The following ACTL6A variants were observed in gnomAD, a reference collection of about 807,000 sequenced individuals.
The protein encoded by ACTL6A is actin like 6A, also known as actin-like protein 6A.
A neutral mutation model predicts 59.2 loss-of-function variants in ACTL6A; 5 were observed. The observed-to-expected ratio is 0.08, with a 90% CI of 0.04 to 0.18. The LOEUF (loss-of-function observed/expected upper bound fraction) is 0.18. Among genes scored for constraint, ACTL6A ranks in the 10% least tolerant of loss-of-function variants. The probability of loss-of-function intolerance (pLI) is 1.00; values close to 1 mark genes in which losing one functional copy is unlikely to be tolerated. For synonymous variants in ACTL6A, 154 were observed against 171.8 expected, an observed-to-expected ratio of 0.90 and a Z score of 0.81; for missense variants, 285 against 526.9, an observed-to-expected ratio of 0.54 and a Z score of 4.49.
Position 179,576,245 on chromosome 3 carries a change from AT to A in ACTL6A, c.509del (p.Leu170TrpfsTer24). 1 of 1,613,748 alleles carries A rather than the reference AT, an allele frequency of 6.2e-7. No homozygotes were observed. Among genetic ancestry groups the A allele is most frequent in the Non-Finnish European group, 8.5e-7 (1 of 1,179,880 alleles). ...AFANGRSTGL[I>X]LDSGATHTTA... ...TGCTAATGGTCGTTCTACTGGGCTGATTTTGGACAGTGGAGCCACTCATACC... is the reference window on the plus strand; with the variant it reads ...TGCTAATGGTCGTTCTACTGGGCTGATTTGGACAGTGGAGCCACTCATACC... On this transcript the variant is annotated frameshift_variant, in exon 6 of 14. Transcript: ENST00000429709. LOFTEE classifies it high-confidence loss of function.
chr3:179,573,519 T>C (rs1453572886), intron 4 of ACTL6A, 50 bp downstream of exon 4: 36 of 1,112,564 alleles, frequency 3.2e-5, no homozygotes, highest in Non-Finnish European at 4.2e-5. Context: ...TTTTTTTTTT[T>C]CTTTTTTTTT....
At chr3:179,583,699 C>T in intron 12 of ACTL6A, 2 of 296,900 alleles carry the variant, frequency 6.7e-6, no homozygotes, top group Admixed American at 4.9e-5. Flanking sequence ...CCCTGCACAC[C>T]AAGGGCTCAG....
At chr3:179,577,906 G>A (rs1718217863) in intron 8 of ACTL6A, among the ~76,000 whole-genome samples, 1 of 151,012 alleles carries the variant, frequency 6.6e-6, no homozygotes, top group African/African-American at 2.4e-5. Context: ...CATTTAAGTT[G>A]ATTCCATGTC....
chr3:179,563,254 C>G, intron 1 of ACTL6A, 137 bp downstream of exon 1: 1 of 1,393,968 alleles, frequency 7.2e-7, no homozygotes, highest in Non-Finnish European at 9.6e-7. Flanking sequence ...GCCCCGTCCC[C>G]GCCCCACGCT....
chr3:179,566,832 G>A (rs1367943865), intron 1 of ACTL6A, among the ~76,000 whole-genome samples: 1 of 152,104 alleles, frequency 6.6e-6, no homozygotes, highest in Non-Finnish European at 1.5e-5. Flanking sequence ...TAGGACTACA[G>A]GTGCATACGG....
chr3:179,573,159 G>A, intron 3 of ACTL6A: 1 of 399,970 alleles, frequency 2.5e-6, no homozygotes, highest in Non-Finnish European at 4.4e-6. Context: ...GGACAGGTCT[G>A]GGGGCTGGAG....
chr3:179,572,181 C>G (rs1718027292), intron 3 of ACTL6A, among the ~76,000 whole-genome samples: 1 of 151,740 alleles, frequency 6.6e-6, no homozygotes, highest in Non-Finnish European at 1.5e-5. Flanking sequence ...ATATTTTAAC[C>G]AATAGAGAAT....
At position 179,587,915 on chromosome 3, in the gene ACTL6A, C is replaced by A. The variant is rs1718560585; in HGVS notation, c.1210-15C>A. 1 of 1,581,572 alleles carries A rather than the reference C, an allele frequency of 6.3e-7. No individual in the cohort carries two copies. The highest frequency in any genetic ancestry group is 1.4e-5 in the African/African-American group (1 of 72,526). On this transcript the variant is annotated splice_polypyrimidine_tract_variant and intron_variant, in intron 13 of 13. Transcript: ENST00000429709. ...AAGTAAGGCATAATTATATAAATTT[C>A]TTTCCATTTTACAGGGTACCTTTCA... is the stretch of plus-strand genomic sequence containing the variant.
intron 12 of ACTL6A, chr3:179,584,160 T>C (rs534534818): frequency 1.3e-5 from 2 of 152,164 alleles, no homozygotes; most frequent in Non-Finnish European, 2.9e-5. Context: ...TAGGGGAAAA[T>C]ACCTCCTTCT....
rs754895610 is a variant in ACTL6A, at chr3:179,573,353, T to A, written c.278-16T>A. 1 of 1,508,250 alleles carries A rather than the reference T, an allele frequency of 6.6e-7. No homozygotes were observed. The highest frequency in any genetic ancestry group is 9.0e-7 in the Non-Finnish European group (1 of 1,114,784). The allele number at this position is 1,508,250 out of a possible 1,614,324, so 93.4% of individuals were successfully genotyped here. On this transcript the variant is annotated splice_polypyrimidine_tract_variant and intron_variant, in intron 3 of 13. Coordinates refer to ENST00000429709, the MANE Select transcript of ACTL6A (RefSeq NM_004301.5). Reference sequence around the variant, plus strand: ...CAACTATGCATTATTTCCAAGTTACTAATCTTATATTCTAGTTGAAGACTG... The same window carrying A: ...CAACTATGCATTATTTCCAAGTTACAAATCTTATATTCTAGTTGAAGACTG...
intron 11 of ACTL6A, among the ~76,000 whole-genome samples, chr3:179,582,027 T>G (rs1427450588): frequency 6.6e-6 from 1 of 152,214 alleles, no homozygotes; most frequent in Non-Finnish European, 1.5e-5. Context: ...TAAAGCATAG[T>G]GCTAATAACT....
At chr3:179,575,188 T>C in intron 5 of ACTL6A, 1 of 353,928 alleles carries the variant, frequency 2.8e-6, no homozygotes, top group Non-Finnish European at 5.5e-6. Context: ...GCCAGAATCG[T>C]CTTCTACATT....
intron 5 of ACTL6A, among the ~76,000 whole-genome samples, chr3:179,575,891 A>G (rs1431975149): frequency 6.6e-6 from 1 of 152,144 alleles, no homozygotes; most frequent in Non-Finnish European, 1.5e-5. Flanking sequence ...AATGCATCTC[A>G]GTTTGTTGTA....
chr3:179,564,817 C>T (rs1259586637), intron 1 of ACTL6A, among the ~76,000 whole-genome samples: 2 of 151,782 alleles, frequency 1.3e-5, no homozygotes, highest in South Asian at 2.1e-4. Context: ...GGTAAATAGA[C>T]ACCGTATTTC....
chr3:179,577,291 C>T (rs1351041542), intron 8 of ACTL6A, among the ~76,000 whole-genome samples: 1 of 151,984 alleles, frequency 6.6e-6, no homozygotes, highest in Non-Finnish European at 1.5e-5. Flanking sequence ...TTGTAGAGGC[C>T]TACTAGTATG....
In ACTL6A at chr3:179,570,378, C is replaced by A; in HGVS notation, c.277+137C>A. On this transcript the variant is annotated intron_variant, in intron 3 of 13. Coordinates refer to ENST00000429709, the MANE Select transcript of ACTL6A (RefSeq NM_004301.5). This position sits in a 1 kb window ranked among gnomAD's most constrained non-coding sequence, Gnocchi z 4.3. The stretch of plus-strand genomic sequence containing the variant: ...GTTTTTTATTCCACAAACTGATTTC[C>A]AGACACTGAGAATACAAAGATGCAT... 1 of 767,320 alleles carries A rather than the reference C, an allele frequency of 1.3e-6. No individual in the cohort carries two copies. The highest frequency in any genetic ancestry group is 2.0e-6 in the Non-Finnish European group (1 of 506,098). 47.5% of individuals were successfully genotyped at this position (767,320 alleles called of 1,614,324 possible).
chr3:179,569,562 C>G (rs528097054), intron 1 of ACTL6A, among the ~76,000 whole-genome samples: 1 of 152,214 alleles, frequency 6.6e-6, no homozygotes, highest in South Asian at 2.1e-4. Flanking sequence ...TATAATTGGG[C>G]TGAGTGCAGT....
chr3:179,583,557 G>A (rs1718397676), intron 12 of ACTL6A, 109 bp downstream of exon 12: 2 of 774,502 alleles, frequency 2.6e-6, no homozygotes, highest in Admixed American at 2.4e-5. Flanking sequence ...GATATTTTGT[G>A]TGTGCCTGGT....
At position 179,573,426 on chromosome 3, in the gene ACTL6A, A is replaced by G. The variant is rs1444217673; in HGVS notation, c.335A>G (p.Lys112Arg). Reference sequence around the variant, plus strand: ...GATCATACCTACAAAATGCATGTCAAATCAGAAGCCAGTCTCCATCCTGTT... The same window carrying G: ...GATCATACCTACAAAATGCATGTCAGATCAGAAGCCAGTCTCCATCCTGTT... ...ILDHTYKMHV[K>R]SEASLHPVLM... is the part of the protein sequence containing the mutation. The change falls in exon 4 of 14, where the codon AAA (lysine) becomes AGA (arginine). Residue 112 changes from lysine (K) to arginine (R), a missense_variant. By Grantham distance (26) the Lys-to-Arg change is conservative. Transcript: ENST00000429709. 15 of 1,590,896 alleles carry G rather than the reference A, an allele frequency of 9.4e-6. No individual in the cohort carries two copies. The highest frequency in any genetic ancestry group is 1.3e-5 in the Non-Finnish European group (15 of 1,171,554).
Sources: allele counts gnomAD v4.1 joint callset (sites outside exome capture counted in the v4.1 genomes callset), GRCh38; gene constraint gnomAD v4.1.1; non-coding constraint Gnocchi (gnomAD v3.1); transcripts MANE v1.5; gene names NCBI Gene and HGNC (gene_info 2026-07-23, HGNC 2026-07-21).